The following ASIC2 variants were observed in gnomAD, a reference collection of about 807,000 sequenced individuals.
ASIC2 encodes the protein acid-sensing ion channel 2.
Under a neutral mutation model 57.3 loss-of-function variants are expected in ASIC2, and 25 were observed. The ratio of observed to expected loss-of-function variants is 0.44; its 90% confidence interval spans 0.32 to 0.61. The LOEUF is 0.61. Among genes scored for constraint, ASIC2 ranks in the 20% least tolerant of loss-of-function variants. The pLI, the probability that ASIC2 is intolerant of heterozygous loss-of-function variation, is 0.06. For synonymous variants in ASIC2, 319 were observed against 307.5 expected (o/e 1.04, Z -0.39); for missense variants, 641 against 738.1 (o/e 0.87, Z 1.52).
chr17:34,100,852 G>C (rs1323503552), intron 1 of ASIC2, among the ~76,000 whole-genome samples: 1 of 152,168 alleles, frequency 6.6e-6, no homozygotes, highest in African/African-American at 2.4e-5. Context: ...AAACTTACTT[G>C]ATCATAGGAA....
intron 1 of ASIC2, among the ~76,000 whole-genome samples, chr17:33,941,437 C>A (rs1219590921): frequency 2.0e-5 from 3 of 152,180 alleles, no homozygotes; most frequent in African/African-American, 7.2e-5. Flanking sequence ...TGAAAAGGAA[C>A]CCCACCTTAT....
chr17:33,478,432 T>A (rs995366458), intron 1 of ASIC2, among the ~76,000 whole-genome samples: 3 of 152,356 alleles, frequency 2.0e-5, no homozygotes, highest in African/African-American at 7.2e-5. Context: ...CTGCTAAGGC[T>A]GAAAAGTCCT....
intron 1 of ASIC2, among the ~76,000 whole-genome samples, chr17:33,117,280 C>T (rs1011664581): frequency 1.3e-5 from 2 of 152,072 alleles, no homozygotes; most frequent in African/African-American, 4.8e-5. Flanking sequence ...TCGAGCGATT[C>T]TCTTGCCTGA....
chr17:34,022,495 A>C (rs1555582502), intron 1 of ASIC2, among the ~76,000 whole-genome samples: 1 of 152,092 alleles, frequency 6.6e-6, no homozygotes, highest in Non-Finnish European at 1.5e-5. Flanking sequence ...CCACCCTTGA[A>C]ATTCTCTATA....
intron 1 of ASIC2, among the ~76,000 whole-genome samples, chr17:33,398,362 A>G (rs1357757401): frequency 6.6e-6 from 1 of 152,198 alleles, no homozygotes; most frequent in East Asian, 1.9e-4. Flanking sequence ...TTCAGAAGCC[A>G]CCCTGGATAA....
intron 1 of ASIC2, among the ~76,000 whole-genome samples, chr17:33,579,833 T>G (rs1036885312): frequency 2.0e-5 from 3 of 152,090 alleles, no homozygotes; most frequent in African/African-American, 7.2e-5. Flanking sequence ...CTGGCTCGGG[T>G]GGGCTGCATT....
intron 1 of ASIC2, among the ~76,000 whole-genome samples, chr17:33,815,312 C>T (rs767078323): frequency 9.2e-5 from 14 of 152,304 alleles, no homozygotes; most frequent in South Asian, 2.1e-4. Flanking sequence ...GTAGTTCACA[C>T]GCTCTGGTTG....
intron 1 of ASIC2, among the ~76,000 whole-genome samples, chr17:33,559,651 A>G (rs751914277): frequency 1.3e-5 from 2 of 152,126 alleles, no homozygotes; most frequent in Non-Finnish European, 2.9e-5. Flanking sequence ...GCTCTTTTCA[A>G]TGTATTTTCT....
At chr17:33,411,006 T>A (rs1367129987) in intron 1 of ASIC2, among the ~76,000 whole-genome samples, 2 of 152,146 alleles carry the variant, frequency 1.3e-5, no homozygotes, top group East Asian at 3.9e-4. Context: ...GGAGATTGAA[T>A]AAATGAATGA....
chr17:33,868,185 G>GTGTGTGTA (rs1914294313), intron 1 of ASIC2, among the ~76,000 whole-genome samples: 1 of 105,044 alleles, frequency 9.5e-6, no homozygotes, highest in Non-Finnish European at 2.2e-5. Flanking sequence ...AAATGTATGT[G>GTGTGTGTA]TGTGTGTGTA....
intron 1 of ASIC2, among the ~76,000 whole-genome samples, chr17:33,786,041 T>C (rs753012584): frequency 6.6e-6 from 1 of 152,164 alleles, no homozygotes; most frequent in African/African-American, 2.4e-5. Context: ...TTTAAGGAGC[T>C]TGGCAAGCTC....
intron 1 of ASIC2, among the ~76,000 whole-genome samples, chr17:34,029,849 T>C (rs1907523839): frequency 6.6e-6 from 1 of 152,192 alleles, no homozygotes; most frequent in South Asian, 2.1e-4. Context: ...TATTTTGTGA[T>C]GGCAGCCTGA....
intron 1 of ASIC2, among the ~76,000 whole-genome samples, chr17:33,197,433 C>T (rs1457447314): frequency 2.0e-5 from 3 of 152,210 alleles, no homozygotes; most frequent in Admixed American, 6.5e-5. Flanking sequence ...CCCTTCCTTA[C>T]AGGAAGCAAG....
intron 3 of ASIC2, among the ~76,000 whole-genome samples, chr17:33,061,762 T>C (rs944819641): frequency 6.6e-6 from 1 of 152,242 alleles, no homozygotes. Flanking sequence ...TGTACTCTGG[T>C]AGATTTTGGC....
At chr17:33,367,928 C>T (rs1028757513) in intron 1 of ASIC2, among the ~76,000 whole-genome samples, 7 of 152,102 alleles carry the variant, frequency 4.6e-5, no homozygotes, top group African/African-American at 1.7e-4. Flanking sequence ...AAGAAGAGGC[C>T]CAGTATTTAT....
intron 1 of ASIC2, among the ~76,000 whole-genome samples, chr17:33,191,829 C>G (rs1029505356): frequency 4.6e-5 from 7 of 152,116 alleles, no homozygotes; most frequent in Non-Finnish European, 1.0e-4. Context: ...AAACCAATCC[C>G]CCAGAATCAT....
chr17:33,167,590 T>C (rs918555983), intron 1 of ASIC2, among the ~76,000 whole-genome samples: 1 of 152,222 alleles, frequency 6.6e-6, no homozygotes, highest in African/African-American at 2.4e-5. Context: ...GCTCTGCTGC[T>C]ACCCCTCTAT....
intron 1 of ASIC2, among the ~76,000 whole-genome samples, chr17:33,994,698 A>G (rs946062664): frequency 1.3e-5 from 2 of 152,168 alleles, no homozygotes; most frequent in Non-Finnish European, 2.9e-5. Flanking sequence ...CTGACCCTCA[A>G]GGTCCAGTGG....
At chr17:34,007,181 T>C (rs1406375514) in intron 1 of ASIC2, among the ~76,000 whole-genome samples, 1 of 152,128 alleles carries the variant, frequency 6.6e-6, no homozygotes, top group Admixed American at 6.5e-5. Context: ...AGCATCAAAA[T>C]CGATTTTAGA....
Sources: gnomAD v4.1 joint callset for allele counts (sites outside exome capture counted in the v4.1 genomes callset) on GRCh38, gnomAD v4.1.1 for gene constraint, MANE v1.5 for transcripts, NCBI Gene and HGNC (gene_info 2026-07-23, HGNC 2026-07-21) for gene names.